Variants in KIF20A observed in about 807,000 individuals in gnomAD.
KIF20A encodes kinesin-like protein KIF20A.
KIF20A carries 66 observed loss-of-function variants against 113.0 expected under a neutral mutation model. The observed-to-expected ratio is 0.58, with a 90% confidence interval of 0.48 to 0.72. The LOEUF (loss-of-function observed/expected upper bound fraction) is 0.72. Among genes scored for constraint, KIF20A ranks in the 30% least tolerant of loss-of-function variants. The pLI is 0.00. For missense variants in KIF20A, 927 were observed against 1,077.6 expected (o/e 0.86, Z 1.96); for synonymous variants, 376 against 402.3 (o/e 0.93, Z 0.78).
At chr5:138,180,544 G>C (rs897239148) in intron 2 of KIF20A, among the ~76,000 whole-genome samples, 3 of 152,186 alleles carry the variant, frequency 2.0e-5, no homozygotes, top group Non-Finnish European at 4.4e-5. Context: ...TGCTCTTATA[G>C]AGTTTCTCTT....
intron 1 of KIF20A, 37 bp from the exon 2 acceptor site, chr5:138,179,623 G>A (rs952890177): frequency 1.9e-6 from 3 of 1,600,600 alleles, no homozygotes; most frequent in East Asian, 2.2e-5. Context: ...TGTCCCTAAA[G>A]GTTCTTCTCC....
chr5:138,186,142 A>G lies in KIF20A; in HGVS notation c.2217+90A>G, dbSNP rs1754741211. 8.0e-6 allele frequency: 12 copies of G among 1,499,604 alleles called. No individual in the cohort carries two copies. The South Asian group carries it at 1.4e-4, about 17-fold the overall frequency. 92.9% of individuals were successfully genotyped at this position (1,499,604 alleles called of 1,614,324 possible). On this transcript the variant is annotated intron_variant, in intron 17 of 18. Transcript: ENST00000394894. ...TATCACTGGTTCATGTGAAGACAAG[A>G]TGTTTTTTGTGCACAGTTCTGGAGA...
Position 138,181,694 on chromosome 5 carries a change from T to C in KIF20A, c.341T>C (p.Ile114Thr), listed in dbSNP as rs752013121. The C allele has an allele frequency of 2.5e-6, 4 of 1,614,012 alleles. No individual in the cohort carries two copies. The highest frequency in any genetic ancestry group is 4.5e-5 in the East Asian group (2 of 44,886). The change falls in exon 4 of 19, where the codon ATT becomes ACT. Residue 114 changes from isoleucine (I) to threonine (T), a missense_variant. Ile to Thr is a moderately conservative substitution (Grantham distance 89). Coordinates refer to ENST00000394894, the MANE Select transcript of KIF20A (RefSeq NM_005733.3). ...SFALKSNERG[I>T]GQATHRFTFS... Reference sequence around the variant, plus strand: ...GCCCTGAAGAGCAATGAACGGGGAATTGGCCAAGCCACACACAGGTTCACC... The same window carrying C: ...GCCCTGAAGAGCAATGAACGGGGAACTGGCCAAGCCACACACAGGTTCACC...
rs747992567 is a variant in KIF20A at position 138,181,745 on chromosome 5, T to C, written c.375+17T>C. The C allele has an allele frequency of 2.5e-5, 40 of 1,612,310 alleles. No homozygotes were observed. The South Asian group carries it at 4.2e-4, about 17-fold the overall frequency. On this transcript the variant is annotated intron_variant, in intron 4 of 18. Coordinates refer to ENST00000394894, the MANE Select transcript of KIF20A (RefSeq NM_005733.3). Reference sequence around the variant, plus strand: ...TTTTCCCAGGTATGGAGGGTACTGGTTTGTGAACAAAAGACCAACATGTAA... The same window carrying C: ...TTTTCCCAGGTATGGAGGGTACTGGCTTGTGAACAAAAGACCAACATGTAA...
rs1218389670 is a variant in KIF20A, at chr5:138,182,311, G to GTC, written c.376-4_376-3dup. 2 of 1,609,746 alleles carry GTC rather than the reference G, an allele frequency of 1.2e-6. No homozygotes were observed. Among genetic ancestry groups the GTC allele is most frequent in the African/African-American group, 2.7e-5 (2 of 74,708 alleles). On this transcript the variant is annotated splice_polypyrimidine_tract_variant and intron_variant, in intron 4 of 18. Transcript: ENST00000394894. ...GAAGGAGAGGCCTCTAAAAAACTGG[G>GTC]TCTCTCTCTAGATCTTTGGGCCAGA...
chr5:138,186,164 G>T, intron 17 of KIF20A, 112 bp downstream of exon 17: 1 of 1,476,560 alleles, frequency 6.8e-7, no homozygotes, highest in African/African-American at 1.4e-5. Flanking sequence ...CACAGTTCTG[G>T]AGAGTGGCTA....
rs994247120 is a variant in KIF20A, at chr5:138,187,236, C to T, written c.2496C>T (p.Thr832=). 17 of 1,614,164 alleles carry T rather than the reference C, an allele frequency of 1.1e-5. No homozygotes were observed. The highest frequency in any genetic ancestry group is 1.4e-5 in the Non-Finnish European group (17 of 1,180,038). Residue 832 remains threonine, a synonymous_variant, in exon 19 of 19, where the codon ACC becomes ACT. Transcript: ENST00000394894. ...GQVSAKKRLG[T]NQENQQPNQQ... ...TTTCTGCCAAAAAGCGCCTTGGTACCAACCAGGAAAATCAGCAACCAAACC... is the reference window on the plus strand; with the variant it reads ...TTTCTGCCAAAAAGCGCCTTGGTACTAACCAGGAAAATCAGCAACCAAACC...
In KIF20A at chr5:138,186,290, T is replaced by G; in HGVS notation, c.2218-4T>G. ...CAATATGATTCCTACTTCCCCTTTTTCAGAATATAAGGCTGTTGCGGACAG... is the reference window on the plus strand; with the variant it reads ...CAATATGATTCCTACTTCCCCTTTTGCAGAATATAAGGCTGTTGCGGACAG... On this transcript the variant is annotated splice_polypyrimidine_tract_variant and splice_region_variant and intron_variant, in intron 17 of 18. Coordinates refer to ENST00000394894, the MANE Select transcript of KIF20A (RefSeq NM_005733.3). 1 of 1,586,724 alleles carries G rather than the reference T, an allele frequency of 6.3e-7. No homozygotes were observed. Among genetic ancestry groups the G allele is most frequent in the Non-Finnish European group, 8.5e-7 (1 of 1,172,160 alleles).
At chr5:138,185,756 A>T in intron 16 of KIF20A, 46 bp downstream of exon 16, 1 of 1,589,224 alleles carries the variant, frequency 6.3e-7, no homozygotes, top group African/African-American at 1.3e-5. Context: ...TTCAGGGAAG[A>T]GCTGTTACTT....
In KIF20A at chr5:138,183,969, C is replaced by T. The variant is rs1754702193; in HGVS notation, c.1216C>T (p.Leu406Phe). The change falls in exon 11 of 19, where the codon CTC becomes TTC. Residue 406 changes from leucine to phenylalanine, a missense_variant. Transcript: ENST00000394894. The surrounding 1 kb of genome is among the most constrained non-coding windows in gnomAD (Gnocchi z 5.2). ...DIVPKISELS[L>F]CDLAGSERCK... ...TCCTGTGCATCATTCTAGGCTGTCA[C>T]TCTGTGATCTGGCTGGCTCAGAGCG... The T allele has an allele frequency of 6.2e-7, 1 of 1,614,180 alleles. No individual in the cohort carries two copies. The highest frequency in any genetic ancestry group is 1.1e-5 in the South Asian group (1 of 91,084).
intron 14 of KIF20A, 67 bp from the exon 15 acceptor site, chr5:138,185,028 G>C: frequency 6.3e-7 from 1 of 1,595,202 alleles, no homozygotes; most frequent in Non-Finnish European, 8.6e-7. Context: ...TGTGCCTCAA[G>C]ATCTGTTCCC....
Position 138,185,992 on chromosome 5 carries a change from A to G in KIF20A, c.2157A>G (p.Pro719=), listed in dbSNP as rs767862299. 2 of 1,613,996 alleles carry G rather than the reference A, an allele frequency of 1.2e-6. No individual in the cohort carries two copies. The highest frequency in any genetic ancestry group is 1.7e-6 in the Non-Finnish European group (2 of 1,180,004). Residue 719 remains proline, a synonymous_variant, in exon 17 of 19, where the codon CCA becomes CCG. Coordinates refer to ENST00000394894, the MANE Select transcript of KIF20A (RefSeq NM_005733.3). ...ATAAGTATCAGAAAATGTTAGAACC[A>G]CCACCCTCAGCCAAGCCCTTCACCA... ...ELHKYQKMLE[P]PPSAKPFTID...
Position 138,187,303 on chromosome 5 carries a change from C to T in KIF20A, c.2563C>T (p.Pro855Ser), listed in dbSNP as rs1264676664. 2 of 1,614,054 alleles carry T rather than the reference C, an allele frequency of 1.2e-6. No individual in the cohort carries two copies. The highest frequency in any genetic ancestry group is 1.6e-4 in the Middle Eastern group (1 of 6,084). ...GKKPFLRNLL[P>S]RTPTCQSSTD... ...GAAACCATTCCTTCGAAATTTACTT[C>T]CCCGAACACCAACCTGCCAAAGCTC... The change falls in exon 19 of 19, where the codon CCC (proline) becomes TCC (serine). Residue 855 changes from proline to serine, a missense_variant. Pro to Ser is a moderately conservative substitution (Grantham distance 74). Coordinates refer to ENST00000394894, the MANE Select transcript of KIF20A (RefSeq NM_005733.3).
chr5:138,184,059 A>G lies in KIF20A; in HGVS notation c.1306A>G (p.Thr436Ala), dbSNP rs201009097. 54 of 1,613,864 alleles carry G rather than the reference A, an allele frequency of 3.3e-5. No homozygotes were observed. In the African/African-American group the frequency reaches 6.8e-4, roughly 20 times the overall value. The change falls in exon 11 of 19, where the codon ACC (threonine) becomes GCC (alanine). Residue 436 changes from threonine to alanine, a missense_variant. By Grantham distance (58) the Thr-to-Ala change is moderately conservative (BLOSUM62 0). Coordinates refer to ENST00000394894, the MANE Select transcript of KIF20A (RefSeq NM_005733.3). ...EAGNINTSLH[T>A]LGRCIAALRQ... is the part of the protein sequence containing the mutation. Reference sequence around the variant, plus strand: ...AGGAAACATTAACACCTCTCTACACACCCTGGGCCGCTGTATTGCTGCCCT... The same window carrying G: ...AGGAAACATTAACACCTCTCTACACGCCCTGGGCCGCTGTATTGCTGCCCT...
intron 4 of KIF20A, 28 bp from the exon 5 acceptor site, chr5:138,182,295 G>T: frequency 1.2e-6 from 2 of 1,605,514 alleles, no homozygotes; most frequent in Non-Finnish European, 1.7e-6. Context: ...TGAAGGAGAG[G>T]CCTCTAAAAA....
At position 138,184,499 on chromosome 5, in the gene KIF20A, T is replaced by A; in HGVS notation, c.1519-13T>A. ...ACTTATGGAGTCAAGTAAGATATTT[T>A]TTTTCCCTCTAGCTTGTGCATGCCC... On this transcript the variant is annotated splice_polypyrimidine_tract_variant and intron_variant, in intron 12 of 18. Coordinates refer to ENST00000394894, the MANE Select transcript of KIF20A (RefSeq NM_005733.3). 1 of 1,610,874 alleles carries A rather than the reference T, an allele frequency of 6.2e-7. No homozygotes were observed. Among genetic ancestry groups the A allele is most frequent in the Non-Finnish European group, 8.5e-7 (1 of 1,177,326 alleles).
chr5:138,184,152 C>T lies in KIF20A; in HGVS notation c.1352+47C>T, dbSNP rs371094523. Reference sequence around the variant, plus strand: ...CTGGGCTCTGCAATTTGCTAAGAGACTTCCTGGACACCACTGGGGATGGTG... The same window carrying T: ...CTGGGCTCTGCAATTTGCTAAGAGATTTCCTGGACACCACTGGGGATGGTG... On this transcript the variant is annotated intron_variant, in intron 11 of 18. Transcript: ENST00000394894. The T allele has an allele frequency of 1.1e-5, 18 of 1,612,366 alleles. No individual in the cohort carries two copies. In the Middle Eastern group the frequency reaches 4.9e-4, roughly 44 times the overall value.
In KIF20A at chr5:138,183,657, GC is replaced by G; in HGVS notation, c.1140-30del. 6.2e-7 allele frequency: 1 copy of G among 1,609,264 alleles called. No homozygotes were observed. The highest frequency in any genetic ancestry group is 8.5e-7 in the Non-Finnish European group (1 of 1,175,828). ...TCCTCTGCCTGGTCATGGAAAATGT[GC>G]AATGACTTTTTGTTTTTCTTAACTT... is the stretch of plus-strand genomic sequence containing the variant. On this transcript the variant is annotated intron_variant, in intron 9 of 18. Transcript: ENST00000394894. The surrounding 1 kb of genome is among the most constrained non-coding windows in gnomAD (Gnocchi z 5.2).
At chr5:138,186,849 A>AGAAATTAAATTTACTCAAGCT in intron 18 of KIF20A, among the ~76,000 whole-genome samples, 1 of 152,360 alleles carries the variant, frequency 6.6e-6, no homozygotes, top group Admixed American at 6.5e-5. Context: ...TGAGGCACTT[A>AGAAATTAAATTTACTCAAGCT]GAAATTAAAT....
Sources: allele counts gnomAD v4.1 joint callset (sites outside exome capture counted in the v4.1 genomes callset), GRCh38; gene constraint gnomAD v4.1.1; non-coding constraint Gnocchi (gnomAD v3.1); transcripts MANE v1.5; gene names NCBI Gene and HGNC (gene_info 2026-07-23, HGNC 2026-07-21).